The following KTN1 variants were observed in gnomAD, a reference collection of about 807,000 sequenced individuals.
KTN1 encodes the protein kinectin 1, also known as kinectin.
In KTN1, 130 loss-of-function variants were observed where a neutral mutation model predicts 222.5. That is an observed-to-expected ratio of 0.58 (90% CI 0.51 to 0.68). KTN1 has a LOEUF of 0.68. KTN1 is among the 30% of genes least tolerant of loss of function. The pLI, the probability that KTN1 is intolerant of heterozygous loss-of-function variation, is 0.00. For synonymous variants in KTN1, 512 were observed against 496.3 expected (o/e 1.03, Z -0.42); for missense variants, 1,508 against 1,500.4 (o/e 1.01, Z -0.08).
At chr14:55,623,345 G>A (rs1356276901) in intron 5 of KTN1, among the ~76,000 whole-genome samples, 1 of 152,206 alleles carries the variant, frequency 6.6e-6, no homozygotes, top group East Asian at 1.9e-4. Context: ...AAAGACAGAT[G>A]CTTTATTGCA....
At chr14:55,651,824 CTT>C in intron 24 of KTN1, 64 bp from the exon 25 acceptor site, 2 of 1,030,462 alleles carry the variant, frequency 1.9e-6, no homozygotes, top group Non-Finnish European at 3.0e-6. Context: ...ATTATAAAGA[CTT>C]ATAAAGCTTA....
At chr14:55,606,209 A>G in intron 1 of KTN1, among the ~76,000 whole-genome samples, 1 of 152,184 alleles carries the variant, frequency 6.6e-6, no homozygotes, top group Middle Eastern at 3.2e-3. Flanking sequence ...TAAAGCTCTT[A>G]TAGGCTACTC....
chr14:55,588,150 A>C (rs1378035375), intron 1 of KTN1, among the ~76,000 whole-genome samples: 1 of 152,200 alleles, frequency 6.6e-6, no homozygotes, highest in Admixed American at 6.5e-5. Context: ...TAAATAGTCA[A>C]TTAACATGTA....
At chr14:55,650,674 AG>A (rs1332335380) in intron 24 of KTN1, 37 bp downstream of exon 24, 2 of 1,468,006 alleles carry the variant, frequency 1.4e-6, no homozygotes, top group Non-Finnish European at 1.9e-6. Context: ...CAGATTTATT[AG>A]TTGTGTTATT....
intron 18 of KTN1, 46 bp downstream of exon 18, chr14:55,641,806 C>T: frequency 8.6e-7 from 1 of 1,156,962 alleles, no homozygotes. Context: ...TGTTATATAA[C>T]AAGATCTGGT....
At chr14:55,620,322 C>T (rs1490693442) in intron 5 of KTN1, among the ~76,000 whole-genome samples, 2 of 152,126 alleles carry the variant, frequency 1.3e-5, no homozygotes, top group African/African-American at 2.4e-5. Context: ...CTGTCAGTGG[C>T]TCTACCATTC....
At position 55,641,131 on chromosome 14, in the gene KTN1, T is replaced by G. The variant is rs778259268; in HGVS notation, c.2026T>G (p.Tyr676Asp). Reference sequence around the variant, plus strand: ...TTTTTTTTTTCACCCTCATAGTGTTTATGTTAAAGATGATAAAATAAGATT... The same window carrying G: ...TTTTTTTTTTCACCCTCATAGTGTTGATGTTAAAGATGATAAAATAAGATT... ...HELEKMQQSV[Y>D]VKDDKIRLLE... is the part of the protein sequence containing the mutation. The change falls in exon 17 of 44, where the codon TAT becomes GAT. Residue 676 changes from tyrosine to aspartate, a missense_variant. Transcript: ENST00000395314. 6.3e-7 allele frequency: 1 copy of G among 1,576,788 alleles called. No homozygotes were observed. The highest frequency in any genetic ancestry group is 1.4e-5 in the African/African-American group (1 of 73,176).
At chr14:55,589,938 T>G (rs1341581893) in intron 1 of KTN1, among the ~76,000 whole-genome samples, 4 of 152,168 alleles carry the variant, frequency 2.6e-5, no homozygotes, top group Non-Finnish European at 5.9e-5. Flanking sequence ...ATTACAGGTG[T>G]GAGCCACTGC....
intron 6 of KTN1, among the ~76,000 whole-genome samples, chr14:55,629,711 G>A (rs75555677): frequency 0.076 from 11,637 of 152,256 alleles, 497 homozygotes; most frequent in South Asian, 0.11. Flanking sequence ...AAACTAGAAA[G>A]TGCATTTGAA....
intron 1 of KTN1, among the ~76,000 whole-genome samples, chr14:55,589,716 TGGCAC>T (rs2033752183): frequency 6.9e-6 from 1 of 145,208 alleles, no homozygotes; most frequent in Admixed American, 7.3e-5. Flanking sequence ...TGGAGTGCAG[TGGCAC>T]GATCTCTGCT....
intron 41 of KTN1, among the ~76,000 whole-genome samples, chr14:55,677,584 A>G (rs954252786): frequency 6.6e-6 from 1 of 152,156 alleles, no homozygotes; most frequent in South Asian, 2.1e-4. Flanking sequence ...AGCACATAAT[A>G]TGTAGAGAGG....
intron 18 of KTN1, chr14:55,644,554 A>ATTC (rs2042108597): frequency 4.2e-6 from 2 of 478,358 alleles, no homozygotes; most frequent in Admixed American, 3.6e-5. Flanking sequence ...TTTACTCAGA[A>ATTC]TAAGACTTTT....
intron 32 of KTN1, chr14:55,662,821 T>G: frequency 2.2e-6 from 1 of 455,254 alleles, no homozygotes; most frequent in Non-Finnish European, 4.4e-6. Flanking sequence ...CTAACAGCAT[T>G]GCTTAGCCAC....
intron 1 of KTN1, among the ~76,000 whole-genome samples, chr14:55,595,461 C>CAA (rs10695088): frequency 1 from 151,989 of 152,342 alleles, 75,821 homozygotes; most frequent in Middle Eastern, 1. Context: ...CCAGGTAACT[C>CAA]AGAGTAACAC....
chr14:55,657,599 G>A (rs183913096), intron 29 of KTN1, among the ~76,000 whole-genome samples: 4 of 152,098 alleles, frequency 2.6e-5, no homozygotes, highest in African/African-American at 7.2e-5. Context: ...TGGAAGAAAG[G>A]TATCTCTCTA....
chr14:55,647,974 C>A, intron 19 of KTN1, 51 bp from the exon 20 acceptor site: 2 of 623,582 alleles, frequency 3.2e-6, no homozygotes, highest in Non-Finnish European at 4.9e-6. Context: ...ATAATAATAT[C>A]ATTAACTTTG....
At chr14:55,639,751 T>C (rs556153865) in intron 13 of KTN1, among the ~76,000 whole-genome samples, 162 bp from the exon 14 acceptor site, 4 of 151,914 alleles carry the variant, frequency 2.6e-5, no homozygotes, top group South Asian at 2.1e-4. Flanking sequence ...TAAGGAGTTA[T>C]AGTAATGTGT....
chr14:55,616,512 T>C lies in KTN1; in HGVS notation c.524-5T>C, dbSNP rs759768506. ...AATTATTTTTTTTGTTTGTGTTTAA[T>C]AAAGATGACCAGGATAAAAAGGTGG... On this transcript the variant is annotated splice_region_variant and splice_polypyrimidine_tract_variant and intron_variant, in intron 2 of 43. Transcript: ENST00000395314. The C allele has an allele frequency of 6.4e-7, 1 of 1,566,916 alleles. No individual in the cohort carries two copies.
At chr14:55,652,575 A>G (rs12147188) in intron 25 of KTN1, among the ~76,000 whole-genome samples, 4,713 of 151,626 alleles carry the variant, frequency 0.031, 117 homozygotes, top group Non-Finnish European at 0.047. Flanking sequence ...ATTTTTTTGT[A>G]TTTTTAGTAG....
Sources: allele counts gnomAD v4.1 joint callset (sites outside exome capture counted in the v4.1 genomes callset), GRCh38; gene constraint gnomAD v4.1.1; transcripts MANE v1.5; gene names NCBI Gene and HGNC (gene_info 2026-07-23, HGNC 2026-07-21).